The following BOD1L1 variants were observed in gnomAD, a reference collection of about 807,000 sequenced individuals.
BOD1L1 encodes biorientation of chromosomes in cell division 1 like 1.
BOD1L1 carries 86 observed loss-of-function variants against 240.7 expected under a neutral mutation model. The ratio of observed to expected loss-of-function variants is 0.36; its 90% CI spans 0.30 to 0.43. The LOEUF is 0.43. Among genes scored for constraint, BOD1L1 ranks in the 20% least tolerant of loss-of-function variants. The pLI is 1.00. For synonymous variants in BOD1L1, 1,268 were observed against 1,272.3 expected, an observed-to-expected ratio of 1.00 and a Z score of 0.07; for missense variants, 3,554 against 3,643.5, an observed-to-expected ratio of 0.98 and a Z score of 0.63.
chr4:13,620,397 C>T (rs1444313267), intron 1 of BOD1L1, among the ~76,000 whole-genome samples: 1 of 152,078 alleles, frequency 6.6e-6, no homozygotes. Context: ...GCCATTTGAG[C>T]TGGAAAAATC....
rs1399934468 is a variant in BOD1L1, at chr4:13,595,940, T to C, written c.8024A>G (p.Tyr2675Cys). Residue 2675 changes from tyrosine to cysteine, a missense_variant, in exon 12 of 26, where the codon TAT becomes TGT. Tyr to Cys is a radical substitution (Grantham distance 194). Transcript: ENST00000040738. Reference protein sequence around the residue: ...KLKANLKMEAYVPSEEEKNGE... With the variant: ...KLKANLKMEACVPSEEEKNGE... The stretch of plus-strand genomic sequence containing the variant: ...ATTTTTCTCTTCCTCTGAAGGCACA[T>C]AAGCCTAAAAAATCCAAAGCACCAT... The C allele has an allele frequency of 6.8e-6, 11 of 1,613,238 alleles. No homozygotes were observed. The highest frequency in any genetic ancestry group is 1.3e-5 in the African/African-American group (1 of 74,946).
chr4:13,622,053 C>T (rs1017356460), intron 1 of BOD1L1, among the ~76,000 whole-genome samples: 1 of 151,880 alleles, frequency 6.6e-6, no homozygotes, highest in Non-Finnish European at 1.5e-5. Flanking sequence ...TTAGTGGAGA[C>T]AAGGTCTTGC....
intron 2 of BOD1L1, among the ~76,000 whole-genome samples, chr4:13,618,740 G>A (rs1260321020): frequency 6.6e-6 from 1 of 152,130 alleles, no homozygotes; most frequent in Non-Finnish European, 1.5e-5. Flanking sequence ...TTTAGTCAGG[G>A]TGTGAATTTT....
Position 13,576,934 on chromosome 4 carries a change from T to A in BOD1L1, c.8942A>T (p.Lys2981Met), listed in dbSNP as rs1309153318. 2 of 1,614,034 alleles carry A rather than the reference T, an allele frequency of 1.2e-6. No individual in the cohort carries two copies. Residue 2981 changes from lysine (K) to methionine (M), a missense_variant, in exon 25 of 26, where the codon AAG becomes ATG. Physicochemically the swap from Lys to Met is moderately conservative, Grantham distance 95. Transcript: ENST00000040738. ...QKSVSDPVED[K>M]KEQESDEEEE... ...TTCCTCATCAGACTCCTGCTCTTTC[T>A]TGTCCTCCACTGGATCAGAAACTGA... is the stretch of plus-strand genomic sequence containing the variant.
intron 25 of BOD1L1, chr4:13,572,864 C>A: frequency 1.6e-6 from 2 of 1,288,976 alleles, no homozygotes; most frequent in Non-Finnish European, 2.0e-6. Flanking sequence ...TATAGAAACA[C>A]TGGGCAATGG....
chr4:13,605,148 C>T, intron 9 of BOD1L1, 64 bp from the exon 10 acceptor site: 1 of 1,323,610 alleles, frequency 7.6e-7, no homozygotes, highest in Non-Finnish European at 1.0e-6. Flanking sequence ...TAAAACATAA[C>T]ATTTGGGTGG....
At chr4:13,592,333 C>A in intron 12 of BOD1L1, 1 of 170,172 alleles carries the variant, frequency 5.9e-6, no homozygotes, top group Non-Finnish European at 1.3e-5. Flanking sequence ...AAAATAATAG[C>A]GTCAAATGAA....
rs1404102425 is a variant in BOD1L1 at position 13,600,725 on chromosome 4, T to G, written c.6175A>C (p.Asn2059His). ...TGATTTTTACCCCCTGCTAAGCTAT[T>G]CTGGTTGGTAATATCACCACTGGCT... ...TTASGDITNQ[N>H]SLAGGKNQGK... The change falls in exon 10 of 26, where the codon AAT (asparagine) becomes CAT (histidine). Residue 2059 changes from asparagine (N) to histidine (H), a missense_variant. Around this residue, in one of 2 missense-constraint regions of BOD1L1, gnomAD observed 3,393 missense variants for 3,427.1 expected, o/e 0.99. Coordinates refer to ENST00000040738, the MANE Select transcript of BOD1L1 (RefSeq NM_148894.3). 6.2e-7 allele frequency: 1 copy of G among 1,613,894 alleles called. No individual in the cohort carries two copies. Among genetic ancestry groups the G allele is most frequent in the Non-Finnish European group, 8.5e-7 (1 of 1,179,904 alleles).
intron 12 of BOD1L1, chr4:13,592,752 T>TGTGA (rs1714315724): frequency 6.6e-6 from 1 of 152,130 alleles, no homozygotes; most frequent in South Asian, 2.1e-4. Context: ...TTCTTACGAG[T>TGTGA]CTTCTGAGAC....
Position 13,599,702 on chromosome 4 carries a change from A to G in BOD1L1, c.7198T>C (p.Leu2400=), listed in dbSNP as rs1714941500. The G allele has an allele frequency of 2.5e-6, 4 of 1,613,802 alleles. No homozygotes were observed. The African/African-American group carries it at 5.3e-5, about 22-fold the overall frequency. ...TGCCCCTCCTCGGTGCTCACTGCCA[A>G]CACGGGACCCGGTTCTTTGCCTCCC... The part of the protein sequence containing the change: ...VRGGKEPGPV[L]AVSTEEGHNG... The change falls in exon 10 of 26, where the codon TTG becomes CTG. Residue 2400 remains leucine (L), a synonymous_variant. Coordinates refer to ENST00000040738, the MANE Select transcript of BOD1L1 (RefSeq NM_148894.3).
chr4:13,599,915 T>C lies in BOD1L1; in HGVS notation c.6985A>G (p.Ile2329Val), dbSNP rs572039854. The change falls in exon 10 of 26, where the codon ATC (isoleucine) becomes GTC (valine). Residue 2329 changes from isoleucine to valine, a missense_variant. Physicochemically the swap from Ile to Val is conservative, Grantham distance 29. Around this residue, in one of 2 missense-constraint regions of BOD1L1, gnomAD observed 3,393 missense variants for 3,427.1 expected, o/e 0.99. Coordinates refer to ENST00000040738, the MANE Select transcript of BOD1L1 (RefSeq NM_148894.3). ...TRVEDLSDAA[I>V]ISTSTAECMP... The stretch of plus-strand genomic sequence containing the variant: ...CATTCTGCTGTGCTGGTGGAGATGA[T>C]GGCAGCATCGCTCAAGTCTTCTACT... 12 of 1,613,832 alleles carry C rather than the reference T, an allele frequency of 7.4e-6. No homozygotes were observed. The Admixed American group carries it at 8.3e-5, about 11-fold the overall frequency.
chr4:13,598,551 T>A (rs555070258), intron 10 of BOD1L1, among the ~76,000 whole-genome samples: 1 of 152,082 alleles, frequency 6.6e-6, no homozygotes, highest in African/African-American at 2.4e-5. Context: ...AAAATGAGGG[T>A]GGTAAAAAAA....
At chr4:13,592,058 T>A in intron 12 of BOD1L1, 92 bp from the exon 13 acceptor site, 1 of 908,242 alleles carries the variant, frequency 1.1e-6, no homozygotes. Flanking sequence ...ATAGGGAACC[T>A]ATCCTATGTC....
At chr4:13,585,555 G>A (rs1486802630) in intron 17 of BOD1L1, among the ~76,000 whole-genome samples, 1 of 152,110 alleles carries the variant, frequency 6.6e-6, no homozygotes, top group African/African-American at 2.4e-5. Context: ...AGGAGGTTCT[G>A]TGAGTCATAA....
At chr4:13,581,836 C>A (rs561913643) in intron 19 of BOD1L1, among the ~76,000 whole-genome samples, 1 of 152,160 alleles carries the variant, frequency 6.6e-6, no homozygotes, top group Non-Finnish European at 1.5e-5. Context: ...GTATTCCCTG[C>A]ATGCCTTCTG....
At position 13,586,448 on chromosome 4, in the gene BOD1L1, C is replaced by T. The variant is rs766676943; in HGVS notation, c.8381G>A (p.Arg2794Lys). The change falls in exon 17 of 26, where the codon AGA becomes AAA. Residue 2794 changes from arginine to lysine, a missense_variant. Physicochemically the swap from Arg to Lys is conservative, Grantham distance 26. Transcript: ENST00000040738. ...PDDNPDVLDS[R>K]IETAQRQCPE... ...ACACTGCCTTTGTGCTGTTTCTATT[C>T]TGGAATCCAGGACATCTGGATTATC... is the stretch of plus-strand genomic sequence containing the variant. The T allele has an allele frequency of 3.1e-6, 5 of 1,611,478 alleles. No individual in the cohort carries two copies. Among genetic ancestry groups the T allele is most frequent in the African/African-American group, 2.7e-5 (2 of 74,834 alleles).
rs138415537 is a variant in BOD1L1, at chr4:13,599,355, C to T, written c.7545G>A (p.Thr2515=). ...LRGPEQTSGQ[T]AKDPSVSIRY... ...GAATGCTGACAGAGGGATCCTTAGC[C>T]GTCTGCCCAGACGTCTGTTCTGGTC... The change falls in exon 10 of 26, where the codon ACG becomes ACA. Residue 2515 remains threonine (T), a synonymous_variant. Transcript: ENST00000040738. The T allele has an allele frequency of 4.0e-5, 64 of 1,613,820 alleles. No individual in the cohort carries two copies. The African/African-American group carries it at 4.5e-4, about 11-fold the overall frequency.
rs1460774694 is a variant in BOD1L1 at position 13,614,247 on chromosome 4, G to A, written c.1123C>T (p.Pro375Ser). Residue 375 changes from proline to serine, a missense_variant, in exon 4 of 26, where the codon CCT becomes TCT. Physicochemically the swap from Pro to Ser is moderately conservative, Grantham distance 74. Coordinates refer to ENST00000040738, the MANE Select transcript of BOD1L1 (RefSeq NM_148894.3). ...GCTTTATTACTGTTCTTTTCTGAAGGAAGTTTTAAACTCTCTACTTCTTTT... is the reference window on the plus strand; with the variant it reads ...GCTTTATTACTGTTCTTTTCTGAAGAAAGTTTTAAACTCTCTACTTCTTTT... ...KEKEVESLKLPSEKNSNKAKT... is the reference protein window; with the variant it reads ...KEKEVESLKLSSEKNSNKAKT... 2 of 1,533,442 alleles carry A rather than the reference G, an allele frequency of 1.3e-6. No homozygotes were observed. Among genetic ancestry groups the A allele is most frequent in the Non-Finnish European group, 1.8e-6 (2 of 1,142,080 alleles). The allele number at this position is 1,533,442 out of a possible 1,614,324, so 95.0% of individuals were successfully genotyped here. A position where few individuals can be genotyped will look rare whatever the true frequency, so the allele number is the denominator to read the frequency against.
chr4:13,592,098 A>G (rs562192916), intron 12 of BOD1L1, 132 bp from the exon 13 acceptor site: 106 of 612,424 alleles, frequency 1.7e-4, no homozygotes, highest in Non-Finnish European at 6.8e-5. Context: ...TTCATAAATT[A>G]TAAAAATCTG....
Sources: gnomAD v4.1 joint callset for allele counts (sites outside exome capture counted in the v4.1 genomes callset) on GRCh38, gnomAD v4.1.1 for gene constraint, gnomAD v4.1.1 regional missense constraint, MANE v1.5 for transcripts, NCBI Gene and HGNC (gene_info 2026-07-23, HGNC 2026-07-21) for gene names.